ANGPT4: variants seen among roughly 807,000 people sequenced by gnomAD.
ANGPT4 encodes the protein angiopoietin 4, also known as angiopoietin-4.
In ANGPT4, 50 loss-of-function variants were observed where a neutral mutation model predicts 53.0. The ratio of observed to expected loss-of-function variants is 0.94; its 90% CI spans 0.75 to 1.20. The LOEUF (loss-of-function observed/expected upper bound fraction) is 1.20, where lower values mean the gene tolerates loss of function less well. ANGPT4 is among the 50% of genes most tolerant of loss of function. The pLI is 0.00. For synonymous variants in ANGPT4, 251 were observed against 259.7 expected, an observed-to-expected ratio of 0.97 and a Z score of 0.32; for missense variants, 648 against 637.1, an observed-to-expected ratio of 1.02 and a Z score of -0.18.
At chr20:891,559 C>T (rs901021165) in intron 1 of ANGPT4, among the ~76,000 whole-genome samples, 3 of 152,150 alleles carry the variant, frequency 2.0e-5, no homozygotes, top group Admixed American at 2.0e-4. Context: ...TCTCACCATG[C>T]CCCCCACCCC....
intron 7 of ANGPT4, among the ~76,000 whole-genome samples, chr20:876,011 T>G (rs1040333959): frequency 6.6e-6 from 1 of 151,928 alleles, no homozygotes; most frequent in Non-Finnish European, 1.5e-5. Flanking sequence ...ATGCCTGTAA[T>G]TCCAGCTACT....
chr20:902,270 G>A (rs553807675), intron 1 of ANGPT4, among the ~76,000 whole-genome samples: 1 of 152,108 alleles, frequency 6.6e-6, no homozygotes, highest in Non-Finnish European at 1.5e-5. Flanking sequence ...TAAACACTAG[G>A]AGTCCCTAAC....
intron 1 of ANGPT4, among the ~76,000 whole-genome samples, chr20:896,421 G>A (rs1408408500): frequency 6.6e-6 from 1 of 152,226 alleles, no homozygotes; most frequent in East Asian, 1.9e-4. Flanking sequence ...GGGCTGAGAG[G>A]CTGAGAAGAA....
chr20:878,925 A>G (rs1205275187), intron 6 of ANGPT4, among the ~76,000 whole-genome samples: 1 of 152,214 alleles, frequency 6.6e-6, no homozygotes, highest in Non-Finnish European at 1.5e-5. Flanking sequence ...TGGACAGAAC[A>G]AGAATTCAGC....
intron 7 of ANGPT4, among the ~76,000 whole-genome samples, chr20:875,036 C>T (rs6039016): frequency 0.36 from 36,726 of 103,360 alleles, 7,344 homozygotes; most frequent in African/African-American, 0.65. Context: ...CTTTTTCTTT[C>T]TTTTTTTTCT....
In ANGPT4 at chr20:872,812, T is replaced by A; in HGVS notation, c.*148A>T. On this transcript the variant is annotated 3_prime_UTR_variant, in exon 9 of 9. Transcript: ENST00000381922. ...GGAGTTGGGGGGCAGATGACCCTTCTGGACTTCTGGGTCAAGGAGGGCTGG... is the reference window on the plus strand; with the variant it reads ...GGAGTTGGGGGGCAGATGACCCTTCAGGACTTCTGGGTCAAGGAGGGCTGG... 1.0e-6 allele frequency: 1 copy of A among 993,124 alleles called. No homozygotes were observed. The highest frequency in any genetic ancestry group is 1.5e-5 in the South Asian group (1 of 64,846). 61.5% of individuals were successfully genotyped at this position (993,124 alleles called of 1,614,324 possible). A position where few individuals can be genotyped will look rare whatever the true frequency, so the allele number is the denominator to read the frequency against.
Position 914,263 on chromosome 20 carries a change from A to G in ANGPT4, c.309+1643T>C, listed in dbSNP as rs1450161749. ...ACATTAGGTAGGGATAAGTTCTAAG[A>G]AAAAAAAACACAACAAAGCCAGCAG... On this transcript the variant is annotated intron_variant, in intron 1 of 8. Transcript: ENST00000381922. This position sits in a 1 kb window ranked among gnomAD's most constrained non-coding sequence, Gnocchi z 5.0. 5.3e-5 allele frequency among the ~76,000 whole-genome samples: 8 copies of G among 151,194 alleles called. No homozygotes were observed. Among genetic ancestry groups the G allele is most frequent in the African/African-American group, 1.9e-4 (8 of 41,192 alleles).
intron 1 of ANGPT4, among the ~76,000 whole-genome samples, chr20:906,353 G>C (rs1043239699): frequency 6.6e-6 from 1 of 152,132 alleles, no homozygotes; most frequent in Non-Finnish European, 1.5e-5. Flanking sequence ...CCCAGGTCAA[G>C]CCTTCAGATG....
At position 870,487 on chromosome 20, in the gene ANGPT4, A is replaced by C. The variant is rs1980898324; in HGVS notation, c.*2473T>G. On this transcript the variant is annotated 3_prime_UTR_variant, in exon 9 of 9. Transcript: ENST00000381922. ...GATTGCAGTGATCTGAGATCATGCC[A>C]CTGCACTCCAGCCTGGGTGACAGAG... The C allele has an allele frequency of 6.6e-6, 1 of 152,274 alleles. No individual in the cohort carries two copies. Among genetic ancestry groups the C allele is most frequent in the South Asian group, 2.1e-4 (1 of 4,826 alleles). 9.4% of individuals were successfully genotyped at this position (152,274 alleles called of 1,614,324 possible).
chr20:880,520 C>G (rs1192453161), intron 5 of ANGPT4, among the ~76,000 whole-genome samples: 1 of 151,750 alleles, frequency 6.6e-6, no homozygotes, highest in East Asian at 1.9e-4. Flanking sequence ...CCCAGGAGGT[C>G]AAGGCTGCAG....
chr20:905,904 A>G (rs546183633), intron 1 of ANGPT4, among the ~76,000 whole-genome samples: 2 of 152,154 alleles, frequency 1.3e-5, no homozygotes. Flanking sequence ...CATTGTCACC[A>G]TTTTACAGAT....
At chr20:903,529 A>G (rs1317226915) in intron 1 of ANGPT4, among the ~76,000 whole-genome samples, 5 of 152,270 alleles carry the variant, frequency 3.3e-5, no homozygotes, top group African/African-American at 7.2e-5. Context: ...GTCCTGGTCA[A>G]CCTGTCAGAT....
chr20:905,127 C>A (rs1308134553), intron 1 of ANGPT4, among the ~76,000 whole-genome samples: 1 of 152,162 alleles, frequency 6.6e-6, no homozygotes, highest in East Asian at 1.9e-4. Context: ...CTGAAAATGT[C>A]ACCTCCTCTG....
Position 872,766 on chromosome 20 carries a change from C to T in ANGPT4, c.*194G>A, listed in dbSNP as rs534254863. The T allele has an allele frequency of 2.3e-5, 15 of 647,562 alleles. No homozygotes were observed. The South Asian group carries it at 2.9e-4, about 12-fold the overall frequency. 40.1% of individuals were successfully genotyped at this position (647,562 alleles called of 1,614,324 possible). On this transcript the variant is annotated 3_prime_UTR_variant, in exon 9 of 9. Coordinates refer to ENST00000381922, the MANE Select transcript of ANGPT4 (RefSeq NM_015985.4). ...CATCAGAGGGATGGGCCCCGAACACCCTCCATGTCACAGACGGAGGGGAGT... is the reference window on the plus strand; with the variant it reads ...CATCAGAGGGATGGGCCCCGAACACTCTCCATGTCACAGACGGAGGGGAGT...
At chr20:889,657 G>A (rs1259904130) in intron 2 of ANGPT4, among the ~76,000 whole-genome samples, 1 of 152,090 alleles carries the variant, frequency 6.6e-6, no homozygotes, top group Non-Finnish European at 1.5e-5. Flanking sequence ...AGGAATGTAT[G>A]CCTGCTTTGT....
intron 7 of ANGPT4, among the ~76,000 whole-genome samples, chr20:876,144 CAAAAAAA>C (rs3030778): frequency 6.1e-5 from 6 of 99,098 alleles, no homozygotes; most frequent in Non-Finnish European, 8.6e-5. Context: ...AGCCCTGTCT[CAAAAAAA>C]AAAAAAAAAA....
intron 1 of ANGPT4, among the ~76,000 whole-genome samples, chr20:915,226 C>A (rs555436447): frequency 4.3e-5 from 6 of 139,776 alleles, no homozygotes; most frequent in South Asian, 2.2e-4. Flanking sequence ...TTCCAGTGGC[C>A]CCCCCCCCAG....
At chr20:879,305 C>A (rs543744122) in intron 6 of ANGPT4, among the ~76,000 whole-genome samples, 9 of 152,038 alleles carry the variant, frequency 5.9e-5, no homozygotes, top group African/African-American at 2.2e-4. Context: ...GGAAAACAAT[C>A]GGGCTTCTCA....
chr20:874,198 G>T, intron 8 of ANGPT4, 86 bp downstream of exon 8: 2 of 1,571,662 alleles, frequency 1.3e-6, no homozygotes, highest in Non-Finnish European at 1.7e-6. Flanking sequence ...ACAGCACCTG[G>T]GCGCACAAGA....
Sources: gnomAD v4.1 joint callset for allele counts (sites outside exome capture counted in the v4.1 genomes callset) on GRCh38, gnomAD v4.1.1 for gene constraint, Gnocchi (gnomAD v3.1) non-coding constraint, MANE v1.5 for transcripts, NCBI Gene and HGNC (gene_info 2026-07-23, HGNC 2026-07-21) for gene names.